Variants in MBOAT2 observed in about 807,000 individuals in gnomAD.
MBOAT2 encodes membrane bound glycerophospholipid O-acyltransferase 2.
A neutral mutation model predicts 63.4 loss-of-function variants in MBOAT2; 28 were observed. The ratio of observed to expected loss-of-function variants is 0.44; its 90% CI spans 0.33 to 0.61. The LOEUF is 0.61. Among genes scored for constraint, MBOAT2 ranks in the 20% least tolerant of loss-of-function variants. The pLI is 0.03. For missense variants in MBOAT2, 470 were observed against 605.8 expected, an observed-to-expected ratio of 0.78 and a Z score of 2.35; for synonymous variants, 211 against 215.6, an observed-to-expected ratio of 0.98 and a Z score of 0.19.
chr2:8,947,735 G>GA (rs199752663), intron 2 of MBOAT2, among the ~76,000 whole-genome samples: 8 of 151,870 alleles, frequency 5.3e-5, no homozygotes, highest in Non-Finnish European at 7.4e-5. Flanking sequence ...CCATTGCTCA[G>GA]AAAAAAAAGA....
At chr2:8,894,716 A>C (rs1239345687) in intron 4 of MBOAT2, among the ~76,000 whole-genome samples, 1 of 152,224 alleles carries the variant, frequency 6.6e-6, no homozygotes, top group Non-Finnish European at 1.5e-5. Flanking sequence ...TCACGGTGAC[A>C]GTTCTTAAAG....
intron 1 of MBOAT2, among the ~76,000 whole-genome samples, chr2:8,986,635 T>A (rs1671591536): frequency 6.6e-6 from 1 of 152,018 alleles, no homozygotes; most frequent in Non-Finnish European, 1.5e-5. Context: ...AGACTGAATG[T>A]CTGTTTCCCC....
At chr2:9,001,334 T>C (rs1672675292) in intron 1 of MBOAT2, among the ~76,000 whole-genome samples, 1 of 152,188 alleles carries the variant, frequency 6.6e-6, no homozygotes, top group Admixed American at 6.5e-5. Flanking sequence ...GCTAGACTTT[T>C]ATAGGACTGG....
chr2:8,947,937 G>A lies in MBOAT2; in HGVS notation c.222-4673C>T, dbSNP rs548576979. Among the ~76,000 whole-genome samples, 8 of 152,278 alleles carry A rather than the reference G, an allele frequency of 5.3e-5. No individual in the cohort carries two copies. The South Asian group carries it at 1.5e-3, about 28-fold the overall frequency. ...AAATACATTTCGTAGGGCTATAGCT[G>A]CCATAGATAGTGATTCCTCTGACGG... On this transcript the variant is annotated intron_variant, in intron 2 of 12. Coordinates refer to ENST00000305997, the MANE Select transcript of MBOAT2 (RefSeq NM_138799.4).
chr2:8,870,955 TTTAA>T (rs1358078039), intron 8 of MBOAT2, among the ~76,000 whole-genome samples: 4 of 152,156 alleles, frequency 2.6e-5, no homozygotes, highest in South Asian at 2.1e-4. Flanking sequence ...TAAGAATCAT[TTTAA>T]TTGTCATAAT....
chr2:8,958,734 G>A, intron 1 of MBOAT2, 92 bp from the exon 2 acceptor site: 4 of 1,251,404 alleles, frequency 3.2e-6, no homozygotes, highest in East Asian at 2.7e-5. Flanking sequence ...AAAACACCAA[G>A]GTTACACAAA....
chr2:8,993,684 CCT>C (rs991559565), intron 1 of MBOAT2, among the ~76,000 whole-genome samples: 1 of 152,136 alleles, frequency 6.6e-6, no homozygotes, highest in African/African-American at 2.4e-5. Context: ...AGGACCTGGC[CCT>C]CTCTACCAGG....
In MBOAT2 at chr2:8,862,380, G is replaced by A. The variant is rs1018438045; in HGVS notation, c.1185+210C>T. 7.0e-6 allele frequency: 10 copies of A among 1,423,846 alleles called. No homozygotes were observed. The highest frequency in any genetic ancestry group is 4.3e-5 in the African/African-American group (3 of 70,228). The allele number at this position is 1,423,846 out of a possible 1,614,324, so 88.2% of individuals were successfully genotyped here. On this transcript the variant is annotated intron_variant, in intron 11 of 12. Coordinates refer to ENST00000305997, the MANE Select transcript of MBOAT2 (RefSeq NM_138799.4). This position sits in a 1 kb window ranked among gnomAD's most constrained non-coding sequence, Gnocchi z 4.3. ...TCCTACCTGCCGGGCACATAGAAAC[G>A]TGTTTTCTCCTCACAGGAACTGGGC...
intron 1 of MBOAT2, among the ~76,000 whole-genome samples, chr2:8,990,863 G>A (rs545734521): frequency 5.3e-5 from 8 of 152,030 alleles, no homozygotes; most frequent in Non-Finnish European, 7.4e-5. Flanking sequence ...TAGTCTCATC[G>A]TACAAGAAAT....
chr2:8,958,439 C>T lies in MBOAT2; in HGVS notation c.221+58G>A, dbSNP rs1303273364. On this transcript the variant is annotated intron_variant, in intron 2 of 12. Coordinates refer to ENST00000305997, the MANE Select transcript of MBOAT2 (RefSeq NM_138799.4). ...TACATAATGTATCTTTCCACACACTCAATTCTCAAATACATCCAAATAGTC... is the reference window on the plus strand; with the variant it reads ...TACATAATGTATCTTTCCACACACTTAATTCTCAAATACATCCAAATAGTC... 9.0e-6 allele frequency: 13 copies of T among 1,452,262 alleles called. No homozygotes were observed. The South Asian group carries it at 1.5e-4, about 17-fold the overall frequency. 90.0% of individuals were successfully genotyped at this position (1,452,262 alleles called of 1,614,324 possible). A position where few individuals can be genotyped will look rare whatever the true frequency, so the allele number is the denominator to read the frequency against.
intron 1 of MBOAT2, among the ~76,000 whole-genome samples, chr2:8,972,396 A>G (rs1670517368): frequency 6.6e-6 from 1 of 152,338 alleles, no homozygotes; most frequent in Admixed American, 6.5e-5. Flanking sequence ...TAAATGTTAG[A>G]CCGAAAACCA....
At chr2:8,868,714 T>G (rs1038640833) in intron 8 of MBOAT2, among the ~76,000 whole-genome samples, 165 bp from the exon 9 acceptor site, 1 of 152,152 alleles carries the variant, frequency 6.6e-6, no homozygotes, top group African/African-American at 2.4e-5. Flanking sequence ...AAATAACATA[T>G]CTAGGACAAT....
intron 3 of MBOAT2, among the ~76,000 whole-genome samples, chr2:8,938,619 C>G (rs546095996): frequency 3.3e-5 from 5 of 150,304 alleles, no homozygotes; most frequent in Non-Finnish European, 5.9e-5. Context: ...CATGCTGCCA[C>G]GTTTCATGCC....
intron 1 of MBOAT2, among the ~76,000 whole-genome samples, chr2:8,994,791 A>T (rs1397610449): frequency 6.6e-6 from 1 of 152,242 alleles, no homozygotes; most frequent in Non-Finnish European, 1.5e-5. Context: ...TTCATCAAGG[A>T]GGCATAGGCT....
chr2:8,958,652 A>T lies in MBOAT2; in HGVS notation c.76-10T>A, dbSNP rs1386659993. On this transcript the variant is annotated splice_polypyrimidine_tract_variant and intron_variant, in intron 1 of 12. Transcript: ENST00000305997. The stretch of plus-strand genomic sequence containing the variant: ...ACACTACAAAGTTGACCTGTAAAGA[A>T]AAATTAAAATTTTGTATTAGCAACA... 6 of 1,547,830 alleles carry T rather than the reference A, an allele frequency of 3.9e-6. No individual in the cohort carries two copies. Among genetic ancestry groups the T allele is most frequent in the Non-Finnish European group, 5.2e-6 (6 of 1,151,864 alleles).
At chr2:8,977,943 C>A (rs1339576799) in intron 1 of MBOAT2, among the ~76,000 whole-genome samples, 2 of 152,066 alleles carry the variant, frequency 1.3e-5, no homozygotes, top group East Asian at 3.9e-4. Context: ...ACAAAGCTGG[C>A]CCGGACTCTG....
At chr2:8,996,355 A>T (rs1261119213) in intron 1 of MBOAT2, among the ~76,000 whole-genome samples, 1 of 142,078 alleles carries the variant, frequency 7.0e-6, no homozygotes, top group African/African-American at 2.4e-5. Flanking sequence ...GTCTGACAAC[A>T]GGTTTTTTAT....
intron 1 of MBOAT2, among the ~76,000 whole-genome samples, chr2:8,969,711 C>CT (rs1470240962): frequency 6.6e-6 from 1 of 151,952 alleles, no homozygotes; most frequent in African/African-American, 2.4e-5. Flanking sequence ...AAAGGCAGGG[C>CT]TTGCAATCCT....
chr2:8,986,119 C>T (rs1671547234), intron 1 of MBOAT2, among the ~76,000 whole-genome samples: 1 of 148,568 alleles, frequency 6.7e-6, no homozygotes, highest in African/African-American at 2.5e-5. Context: ...CCCATAAGCA[C>T]AGACTCATGA....
Sources: allele counts gnomAD v4.1 joint callset (sites outside exome capture counted in the v4.1 genomes callset), GRCh38; gene constraint gnomAD v4.1.1; non-coding constraint Gnocchi (gnomAD v3.1); transcripts MANE v1.5; gene names NCBI Gene and HGNC (gene_info 2026-07-23, HGNC 2026-07-21).